FAM135A: variants seen among roughly 807,000 people sequenced by gnomAD.
FAM135A encodes the protein protein FAM135A.
FAM135A carries 79 observed loss-of-function variants against 146.8 expected under a neutral mutation model. That is an observed-to-expected ratio of 0.54 (90% CI 0.45 to 0.65). FAM135A has a LOEUF of 0.65. Among genes scored for constraint, FAM135A ranks in the 30% least tolerant of loss-of-function variants. The pLI is 0.00. For synonymous variants in FAM135A, 562 were observed against 603.6 expected (o/e 0.93, Z 1.01); for missense variants, 1,623 against 1,758.2 (o/e 0.92, Z 1.38).
At chr6:70,446,962 G>A (rs532903800) in intron 4 of FAM135A, among the ~76,000 whole-genome samples, 18 of 152,318 alleles carry the variant, frequency 1.2e-4, no homozygotes, top group Admixed American at 3.9e-4. Flanking sequence ...AAATTTATAG[G>A]TACAGAAGTT....
chr6:70,414,185 G>A (rs1766974774), intron 1 of FAM135A, among the ~76,000 whole-genome samples: 1 of 152,120 alleles, frequency 6.6e-6, no homozygotes, highest in Non-Finnish European at 1.5e-5. Context: ...TCCCTGTCCG[G>A]AGCTCCTTAC....
chr6:70,510,937 T>G (rs1373935399), intron 12 of FAM135A, among the ~76,000 whole-genome samples: 1 of 152,062 alleles, frequency 6.6e-6, no homozygotes, highest in Non-Finnish European at 1.5e-5. Flanking sequence ...CTTGTTATAT[T>G]CTGCTTTTTG....
chr6:70,509,474 T>G (rs550575615), intron 12 of FAM135A, among the ~76,000 whole-genome samples: 2 of 152,302 alleles, frequency 1.3e-5, no homozygotes, highest in East Asian at 3.9e-4. Context: ...GCCCAAGGAT[T>G]CATCTAAAAA....
chr6:70,545,587 G>A (rs1413259853), intron 20 of FAM135A, among the ~76,000 whole-genome samples: 2 of 152,134 alleles, frequency 1.3e-5, no homozygotes, highest in African/African-American at 4.8e-5. Context: ...CTATACTCCA[G>A]CCTGGGCAAC....
intron 5 of FAM135A, among the ~76,000 whole-genome samples, chr6:70,465,309 T>C (rs1780232277): frequency 6.6e-6 from 1 of 152,234 alleles, no homozygotes; most frequent in South Asian, 2.1e-4. Context: ...TTGACTATTA[T>C]AAATAATGCT....
chr6:70,453,050 A>C (rs951400122), intron 5 of FAM135A, among the ~76,000 whole-genome samples: 1 of 152,152 alleles, frequency 6.6e-6, no homozygotes, highest in Non-Finnish European at 1.5e-5. Flanking sequence ...CAGCTTTGTT[A>C]GTTACTCATA....
At chr6:70,419,385 C>T (rs1768259406) in intron 2 of FAM135A, among the ~76,000 whole-genome samples, 1 of 151,326 alleles carries the variant, frequency 6.6e-6, no homozygotes, top group Admixed American at 6.6e-5. Context: ...CGCCACTGCA[C>T]TCCAGCCTGG....
rs536245838 is a variant in FAM135A at position 70,524,703 on chromosome 6, G to A, written c.1619G>A (p.Gly540Asp). 386 of 1,550,186 alleles carry A rather than the reference G, an allele frequency of 2.5e-4. No individual in the cohort carries two copies. Among genetic ancestry groups the A allele is most frequent in the Non-Finnish European group, 3.1e-4 (353 of 1,146,548 alleles). The change falls in exon 15 of 22, where the codon GGC (glycine) becomes GAC (aspartate). Residue 540 changes from glycine to aspartate, a missense_variant. By Grantham distance (94) the Gly-to-Asp change is moderately conservative (BLOSUM62 -1). Coordinates refer to ENST00000418814, the MANE Select transcript of FAM135A (RefSeq NM_001162529.3). The stretch of plus-strand genomic sequence containing the variant: ...AATGATCTCATTAAATGCTTTGAAG[G>A]CAATCCTTCACATAGTCAGAAGGAA... Reference protein sequence around the residue: ...ASNDLIKCFEGNPSHSQKEGL... With the variant: ...ASNDLIKCFEDNPSHSQKEGL...
At chr6:70,439,895 C>G (rs1451246655) in intron 4 of FAM135A, among the ~76,000 whole-genome samples, 1 of 152,178 alleles carries the variant, frequency 6.6e-6, no homozygotes, top group Non-Finnish European at 1.5e-5. Context: ...GTTGTTCCCC[C>G]CAGCTGTTTT....
At chr6:70,492,690 G>A (rs972350798) in intron 11 of FAM135A, among the ~76,000 whole-genome samples, 1 of 150,186 alleles carries the variant, frequency 6.7e-6, no homozygotes, top group Non-Finnish European at 1.5e-5. Context: ...ATGAGGCAGT[G>A]TACAAATAAC....
chr6:70,532,787 C>T (rs1796069189), intron 16 of FAM135A, among the ~76,000 whole-genome samples: 2 of 152,294 alleles, frequency 1.3e-5, no homozygotes, highest in African/African-American at 4.8e-5. Context: ...AAAATATTAG[C>T]TGGGCATGGT....
At chr6:70,472,212 T>G (rs1781756331) in intron 5 of FAM135A, among the ~76,000 whole-genome samples, 1 of 152,084 alleles carries the variant, frequency 6.6e-6, no homozygotes, top group Admixed American at 6.6e-5. Flanking sequence ...AGAGAAACCT[T>G]TGTTTCTTCA....
At chr6:70,519,233 A>C (rs1386878655) in intron 12 of FAM135A, among the ~76,000 whole-genome samples, 3 of 152,222 alleles carry the variant, frequency 2.0e-5, no homozygotes. Context: ...CTAGAATTAG[A>C]AGTGGAGCCT....
intron 10 of FAM135A, chr6:70,486,304 C>T (rs972256854): frequency 2.7e-6 from 4 of 1,482,128 alleles, no homozygotes; most frequent in African/African-American, 2.8e-5. Context: ...TGAAATTTTG[C>T]TTTAAATTAG....
At chr6:70,484,875 A>G (rs1332689941) in intron 10 of FAM135A, among the ~76,000 whole-genome samples, 2 of 152,222 alleles carry the variant, frequency 1.3e-5, no homozygotes, top group East Asian at 3.8e-4. Flanking sequence ...CAGCATGATC[A>G]TGTATTCATA....
At chr6:70,450,143 G>A (rs1376546114) in intron 4 of FAM135A, among the ~76,000 whole-genome samples, 4 of 152,126 alleles carry the variant, frequency 2.6e-5, no homozygotes, top group East Asian at 1.9e-4. Context: ...AATTCCTTGT[G>A]TATTTTGGAT....
intron 7 of FAM135A, among the ~76,000 whole-genome samples, chr6:70,476,743 C>G (rs1204950924): frequency 6.6e-6 from 1 of 151,934 alleles, no homozygotes; most frequent in Non-Finnish European, 1.5e-5. Context: ...TTGAGTAGCA[C>G]TTAATAAAAT....
In FAM135A at chr6:70,475,433, T is replaced by G. The variant is rs570833450; in HGVS notation, c.181T>G (p.Ser61Ala). ...AGGTATGACTTTAGCCTTTCCAGCC[T>G]CAGTTCATGATTCTCTAATTTGCAG... ...ATGMTLAFPA[S>A]VHDSLICSKT... Residue 61 changes from serine to alanine, a missense_variant, in exon 6 of 22, where the codon TCA becomes GCA. This residue lies in a region of FAM135A where 171 missense variants were observed against 164.9 expected (regional missense o/e 1.04). Transcript: ENST00000418814. 4.4e-6 allele frequency: 7 copies of G among 1,593,744 alleles called. No individual in the cohort carries two copies. Among genetic ancestry groups the G allele is most frequent in the Middle Eastern group, 1.7e-4 (1 of 5,948 alleles).
At chr6:70,485,781 T>C (rs758913064) in intron 10 of FAM135A, among the ~76,000 whole-genome samples, 8 of 152,184 alleles carry the variant, frequency 5.3e-5, no homozygotes, top group African/African-American at 1.7e-4. Flanking sequence ...TAATTAAATA[T>C]TGGTTTGGTG....
Sources: allele counts gnomAD v4.1 joint callset (sites outside exome capture counted in the v4.1 genomes callset), GRCh38; gene constraint gnomAD v4.1.1; regional missense constraint gnomAD v4.1.1; transcripts MANE v1.5; gene names NCBI Gene and HGNC (gene_info 2026-07-23, HGNC 2026-07-21).